The following GPHN variants were observed in gnomAD, a reference collection of about 807,000 sequenced individuals.
GPHN encodes the protein gephyrin.
In GPHN, 17 loss-of-function variants were observed where a neutral mutation model predicts 95.5. The ratio of observed to expected loss-of-function variants is 0.18; its 90% CI spans 0.12 to 0.27. The LOEUF is 0.27. Ranked by LOEUF, GPHN falls within the 10% of genes least tolerant of loss-of-function variation. The pLI, the probability that GPHN is intolerant of heterozygous loss-of-function variation, is 1.00. For synonymous variants in GPHN, 320 were observed against 322.5 expected (o/e 0.99, Z 0.08); for missense variants, 660 against 978.1 (o/e 0.67, Z 4.34).
the GPHN span, among the ~76,000 whole-genome samples, chr14:67,420,850 GTT>G: frequency 6.6e-6 from 1 of 152,330 alleles, no homozygotes. Flanking sequence ...TTGAGAATAT[GTT>G]TCCAATAAAT....
At chr14:67,576,778 G>A in the GPHN span, among the ~76,000 whole-genome samples, 11 of 152,160 alleles carry the variant, frequency 7.2e-5, no homozygotes, top group Admixed American at 6.5e-4. The surrounding 1 kb of genome is among the most constrained non-coding windows in gnomAD (Gnocchi z 4.0). Context: ...GTTGCTGGCT[G>A]GGCAGAGGGC....
chr14:67,673,074 A>C, the GPHN span, among the ~76,000 whole-genome samples: 2 of 152,288 alleles, frequency 1.3e-5, no homozygotes, highest in East Asian at 3.9e-4. Context: ...CTCAGAGAGG[A>C]CTTTCACAAC....
intron 1 of GPHN, chr14:66,509,032 T>G: frequency 4.3e-6 from 1 of 231,294 alleles, no homozygotes; most frequent in Non-Finnish European, 8.6e-6. Context: ...TCTCCTTCCC[T>G]TCCCCCCACC....
At chr14:67,208,140 C>T in the GPHN span, 2 of 1,592,202 alleles carry the variant, frequency 1.3e-6, no homozygotes, top group South Asian at 1.2e-5. Context: ...TACTGTTCCA[C>T]AAACACCTAT....
At chr14:67,727,006 C>T in the GPHN span, 102 of 1,612,956 alleles carry the variant, frequency 6.3e-5, no homozygotes, top group Non-Finnish European at 8.1e-5. Context: ...CCTACCTGCT[C>T]CTGGAGCGGC....
chr14:66,987,012 A>G (rs1291767935), intron 9 of GPHN, among the ~76,000 whole-genome samples: 1 of 152,156 alleles, frequency 6.6e-6, no homozygotes, highest in Non-Finnish European at 1.5e-5. Context: ...ACACTGCTTT[A>G]TAGTGGATAG....
At chr14:67,227,309 G>A in the GPHN span, among the ~76,000 whole-genome samples, 305 of 151,872 alleles carry the variant, frequency 2.0e-3, no homozygotes, top group Non-Finnish European at 3.4e-3. Flanking sequence ...GCATGGTGGC[G>A]CATGACTGTA....
chr14:66,652,740 G>A (rs1025438909), intron 1 of GPHN, among the ~76,000 whole-genome samples: 1 of 152,116 alleles, frequency 6.6e-6, no homozygotes, highest in East Asian at 1.9e-4. Context: ...TCATGCAGGG[G>A]CCTTGTGAGC....
intron 17 of GPHN, among the ~76,000 whole-genome samples, chr14:67,133,822 A>G (rs1457538354): frequency 6.6e-6 from 1 of 152,206 alleles, no homozygotes; most frequent in African/African-American, 2.4e-5. Flanking sequence ...TGATCAACTT[A>G]GAACTCTACA....
the GPHN span, among the ~76,000 whole-genome samples, chr14:67,355,423 G>A: frequency 6.8e-4 from 68 of 99,752 alleles, no homozygotes; most frequent in Middle Eastern, 0.02. Context: ...AGCCCAGTTC[G>A]AGGATGTAGA....
intron 10 of GPHN, among the ~76,000 whole-genome samples, chr14:67,023,976 A>G (rs983871080): frequency 2.6e-5 from 4 of 152,146 alleles, no homozygotes; most frequent in Non-Finnish European, 5.9e-5. Flanking sequence ...TTATTTGAAA[A>G]CAAACTAACT....
rs1193553559 is a variant in GPHN at position 67,144,248 on chromosome 14, AAAATATATATATATAT to A, written c.1836+801_1836+816del. On this transcript the variant is annotated intron_variant, in intron 18 of 22. Coordinates refer to ENST00000478722, the MANE Select transcript of GPHN (RefSeq NM_020806.5). Reference sequence around the variant, plus strand: ...CAAGACCCTGTCTTAAAAAAAAAAAAAAATATATATATATATATATATATATATATATATATATACA... The same window carrying A: ...CAAGACCCTGTCTTAAAAAAAAAAAAATATATATATATATATATATATACA... 1.4e-4 allele frequency among the ~76,000 whole-genome samples: 9 copies of A among 62,596 alleles called. No homozygotes were observed. The East Asian group carries it at 2.5e-3, about 17-fold the overall frequency. 41.1% of individuals were successfully genotyped at this position (62,596 alleles called of 152,430 possible).
chr14:67,480,107 C>T, the GPHN span, among the ~76,000 whole-genome samples: 1 of 152,242 alleles, frequency 6.6e-6, no homozygotes, highest in Non-Finnish European at 1.5e-5. Context: ...ATATACACTA[C>T]TTAAAATACA....
At chr14:67,690,475 A>C in the GPHN span, 1 of 1,499,876 alleles carries the variant, frequency 6.7e-7, no homozygotes, top group Non-Finnish European at 9.3e-7. Flanking sequence ...GAATGACAGG[A>C]GTCGTGGTGA....
intron 3 of GPHN, among the ~76,000 whole-genome samples, chr14:66,778,607 A>T (rs1208254555): frequency 1.3e-5 from 2 of 152,060 alleles, no homozygotes; most frequent in African/African-American, 4.8e-5. Flanking sequence ...ATCTCAACAA[A>T]TCACTAAGCT....
chr14:67,401,477 A>C, the GPHN span, among the ~76,000 whole-genome samples: 1 of 152,122 alleles, frequency 6.6e-6, no homozygotes. Context: ...ATGCCACTAC[A>C]CTGCAGCCTG....
chr14:67,571,917 A>T, the GPHN span: 4 of 1,597,536 alleles, frequency 2.5e-6, no homozygotes, highest in East Asian at 9.0e-5. Flanking sequence ...AGAGAAGGGG[A>T]GCAGGGGCAG....
chr14:67,636,954 A>G, the GPHN span, among the ~76,000 whole-genome samples: 1 of 152,162 alleles, frequency 6.6e-6, no homozygotes, highest in Non-Finnish European at 1.5e-5. Context: ...ATGCACAGTT[A>G]GAGAAAGGGA....
the GPHN span, among the ~76,000 whole-genome samples, chr14:67,381,141 G>T: frequency 6.6e-6 from 1 of 152,118 alleles, no homozygotes; most frequent in African/African-American, 2.4e-5. Context: ...TTCCATTGCA[G>T]AACATAGGAA....
Sources: gnomAD v4.1 joint callset for allele counts (sites outside exome capture counted in the v4.1 genomes callset) on GRCh38, gnomAD v4.1.1 for gene constraint, Gnocchi (gnomAD v3.1) non-coding constraint, MANE v1.5 for transcripts, NCBI Gene and HGNC (gene_info 2026-07-23, HGNC 2026-07-21) for gene names.